Variants in SLC24A2 observed in about 807,000 individuals in gnomAD.
The protein encoded by SLC24A2 is solute carrier family 24 member 2.
Under a neutral mutation model 62.0 loss-of-function variants are expected in SLC24A2, and 36 were observed. The ratio of observed to expected loss-of-function variants is 0.58; its 90% CI spans 0.44 to 0.77. The LOEUF (loss-of-function observed/expected upper bound fraction) is 0.77, where lower values mean the gene tolerates loss of function less well. Among genes scored for constraint, SLC24A2 ranks in the 30% least tolerant of loss-of-function variants. SLC24A2 has a pLI of 0.00. For missense variants in SLC24A2, 846 were observed against 817.9 expected (o/e 1.03, Z -0.42); for synonymous variants, 358 against 294.0 (o/e 1.22, Z -2.23).
chr9:19,635,456 T>G (rs1449134372), intron 2 of SLC24A2, among the ~76,000 whole-genome samples: 1 of 152,202 alleles, frequency 6.6e-6, no homozygotes, highest in Admixed American at 6.5e-5. Context: ...CATACAATAT[T>G]GTATAATATT....
chr9:20,071,767 C>T, the SLC24A2 span, among the ~76,000 whole-genome samples: 17 of 152,150 alleles, frequency 1.1e-4, no homozygotes, highest in South Asian at 8.3e-4. Context: ...ACTGTGGACA[C>T]GCAGCTGGTG....
chr9:20,162,700 T>C, the SLC24A2 span, among the ~76,000 whole-genome samples: 1 of 151,986 alleles, frequency 6.6e-6, no homozygotes, highest in Non-Finnish European at 1.5e-5. Flanking sequence ...TAGACCAATA[T>C]CCTTGATGAA....
At chr9:19,519,433 C>G (rs530148342) in intron 10 of SLC24A2, among the ~76,000 whole-genome samples, 2 of 151,638 alleles carry the variant, frequency 1.3e-5, no homozygotes, top group African/African-American at 4.8e-5. Flanking sequence ...TCATAATATA[C>G]TATAGAGCAT....
intron 5 of SLC24A2, among the ~76,000 whole-genome samples, chr9:19,582,007 G>A (rs979961333): frequency 1.3e-5 from 2 of 152,112 alleles, no homozygotes; most frequent in East Asian, 1.9e-4. Flanking sequence ...TGCTCAAATC[G>A]TGAGGCACCT....
intron 10 of SLC24A2, among the ~76,000 whole-genome samples, chr9:19,516,641 A>T (rs1832943731): frequency 6.6e-6 from 1 of 152,210 alleles, no homozygotes; most frequent in Non-Finnish European, 1.5e-5. Flanking sequence ...CAGTTAGACA[A>T]CATCAAAGAC....
At chr9:19,612,670 G>A (rs1377040528) in intron 4 of SLC24A2, among the ~76,000 whole-genome samples, 1 of 152,084 alleles carries the variant, frequency 6.6e-6, no homozygotes, top group African/African-American at 2.4e-5. Context: ...ATTAAATGCT[G>A]TACTAGACTA....
At chr9:19,633,926 A>G (rs1481916387) in intron 2 of SLC24A2, among the ~76,000 whole-genome samples, 4 of 152,184 alleles carry the variant, frequency 2.6e-5, no homozygotes, top group Non-Finnish European at 5.9e-5. Flanking sequence ...TTTCTGACAG[A>G]GTAAAAGTTT....
At chr9:19,681,388 C>T (rs1208016100) in intron 2 of SLC24A2, among the ~76,000 whole-genome samples, 1 of 152,138 alleles carries the variant, frequency 6.6e-6, no homozygotes, top group Non-Finnish European at 1.5e-5. Flanking sequence ...TCTCTTTTCT[C>T]TCCTTCATGC....
chr9:19,974,082 T>C, the SLC24A2 span, among the ~76,000 whole-genome samples: 9 of 152,278 alleles, frequency 5.9e-5, no homozygotes, highest in Non-Finnish European at 1.2e-4. Flanking sequence ...GATTATGTAA[T>C]ATATGGTTTC....
chr9:20,261,114 C>A, the SLC24A2 span, among the ~76,000 whole-genome samples: 22 of 151,962 alleles, frequency 1.4e-4, no homozygotes, highest in Admixed American at 1.4e-3. Flanking sequence ...TCAGCCCGGG[C>A]AGTAAAGTGC....
the SLC24A2 span, among the ~76,000 whole-genome samples, chr9:20,139,573 T>G: frequency 6.6e-6 from 1 of 152,244 alleles, no homozygotes; most frequent in Admixed American, 6.5e-5. Context: ...TGCCTTTGCC[T>G]GTCATCTATT....
chr9:19,589,122 A>G (rs746224912), intron 5 of SLC24A2, among the ~76,000 whole-genome samples: 1 of 152,224 alleles, frequency 6.6e-6, no homozygotes, highest in Non-Finnish European at 1.5e-5. Context: ...TTTTATATGT[A>G]TATGTCTTCT....
intron 2 of SLC24A2, among the ~76,000 whole-genome samples, chr9:19,736,287 A>T (rs1337803351): frequency 6.6e-6 from 1 of 152,210 alleles, no homozygotes; most frequent in Non-Finnish European, 1.5e-5. Context: ...AGTAAGAGAA[A>T]ACAGATGATG....
the SLC24A2 span, among the ~76,000 whole-genome samples, chr9:19,939,537 G>C: frequency 6.6e-6 from 1 of 152,214 alleles, no homozygotes; most frequent in Admixed American, 6.5e-5. Flanking sequence ...TGCAGGACTG[G>C]AAGGTGCTCT....
At chr9:19,981,349 A>G in the SLC24A2 span, among the ~76,000 whole-genome samples, 1 of 152,194 alleles carries the variant, frequency 6.6e-6, no homozygotes, top group Admixed American at 6.5e-5. Flanking sequence ...CTCTGACTCC[A>G]AGGTTCTACT....
At chr9:19,573,282 G>T in intron 7 of SLC24A2, 69 bp downstream of exon 7, 1 of 1,042,274 alleles carries the variant, frequency 9.6e-7, no homozygotes, top group Non-Finnish European at 1.5e-6. Context: ...AGAATATAGG[G>T]TCTGTGCTGC....
At chr9:19,613,975 A>G (rs962637216) in intron 4 of SLC24A2, among the ~76,000 whole-genome samples, 1 of 152,228 alleles carries the variant, frequency 6.6e-6, no homozygotes, top group Non-Finnish European at 1.5e-5. Flanking sequence ...GATGGTTTAT[A>G]TAAAGCACTC....
At chr9:19,616,899 G>C (rs888860018) in intron 4 of SLC24A2, among the ~76,000 whole-genome samples, 19 of 152,110 alleles carry the variant, frequency 1.2e-4, no homozygotes, top group African/African-American at 4.6e-4. Flanking sequence ...AAAAATGGAA[G>C]GGGGTGGGGG....
chr9:20,191,063 A>G, the SLC24A2 span, among the ~76,000 whole-genome samples: 80,056 of 151,900 alleles, frequency 0.53, 22,980 homozygotes, highest in East Asian at 0.86. Context: ...TTGAAAGATT[A>G]TTTCCCCTGC....
Sources: allele counts gnomAD v4.1 joint callset (sites outside exome capture counted in the v4.1 genomes callset), GRCh38; gene constraint gnomAD v4.1.1; transcripts MANE v1.5; gene names NCBI Gene and HGNC (gene_info 2026-07-23, HGNC 2026-07-21).